The following SLC5A11 variants were observed in gnomAD, a reference collection of about 807,000 sequenced individuals.
SLC5A11 encodes solute carrier family 5 member 11.
Under a neutral mutation model 69.8 loss-of-function variants are expected in SLC5A11, and 48 were observed. The observed-to-expected ratio is 0.69, with a 90% CI of 0.55 to 0.87. SLC5A11 has a LOEUF of 0.87. SLC5A11 is among the 40% of genes least tolerant of loss of function. The probability of loss-of-function intolerance (pLI) is 0.00; values close to 1 mark genes in which losing one functional copy is unlikely to be tolerated. For synonymous variants in SLC5A11, 319 were observed against 342.4 expected (o/e 0.93, Z 0.75); for missense variants, 784 against 866.1 (o/e 0.91, Z 1.19).
At chr16:24,864,424 A>T (rs914868844) in intron 3 of SLC5A11, among the ~76,000 whole-genome samples, 1 of 152,226 alleles carries the variant, frequency 6.6e-6, no homozygotes, top group Non-Finnish European at 1.5e-5. Context: ...AGACTTCATA[A>T]ACTTAATTTA....
chr16:24,851,052 C>A (rs1042031037), intron 1 of SLC5A11, among the ~76,000 whole-genome samples: 4 of 151,114 alleles, frequency 2.6e-5, no homozygotes, highest in Non-Finnish European at 5.9e-5. Context: ...CTCAAGCAAT[C>A]CACCTGCCTC....
chr16:24,856,795 TAATAA>T (rs891140108), intron 1 of SLC5A11, among the ~76,000 whole-genome samples: 13 of 150,932 alleles, frequency 8.6e-5, no homozygotes, highest in South Asian at 8.4e-4. Context: ...TAAATAAAAA[TAATAA>T]AATAAAATAA....
intron 10 of SLC5A11, among the ~76,000 whole-genome samples, chr16:24,901,966 A>G (rs915879857): frequency 1.4e-5 from 2 of 139,546 alleles, no homozygotes; most frequent in Admixed American, 7.2e-5. Flanking sequence ...ACGCACACAC[A>G]CACACACACA....
chr16:24,901,957 C>CACAT (rs55936771), intron 10 of SLC5A11, among the ~76,000 whole-genome samples: 31 of 80,772 alleles, frequency 3.8e-4, no homozygotes, highest in African/African-American at 1.7e-3. Context: ...CACACACACA[C>CACAT]GCACACACAC....
At chr16:24,849,591 A>ACATATAT (rs60683631) in intron 1 of SLC5A11, among the ~76,000 whole-genome samples, 5 of 57,498 alleles carry the variant, frequency 8.7e-5, no homozygotes, top group African/African-American at 2.4e-4. Context: ...AAAAAAAAAA[A>ACATATAT]AAATATATAT....
chr16:24,859,676 A>G (rs1022273786), intron 2 of SLC5A11, among the ~76,000 whole-genome samples: 2 of 152,046 alleles, frequency 1.3e-5, no homozygotes, highest in African/African-American at 2.4e-5. Context: ...TTAGCTTTCT[A>G]TTTTTCACTT....
At chr16:24,905,269 C>CAAAAAAA (rs34703027) in intron 10 of SLC5A11, among the ~76,000 whole-genome samples, 12 of 80,412 alleles carry the variant, frequency 1.5e-4, no homozygotes, top group Non-Finnish European at 1.7e-4. Context: ...ACTAAAAATA[C>CAAAAAAA]AAAAAAAAAA....
intron 1 of SLC5A11, among the ~76,000 whole-genome samples, chr16:24,851,108 G>A (rs1051690308): frequency 5.9e-5 from 9 of 151,428 alleles, no homozygotes; most frequent in Non-Finnish European, 1.2e-4. Flanking sequence ...ACTGCACCCG[G>A]CCTAGTTTAT....
At chr16:24,878,243 C>G (rs913676599) in intron 7 of SLC5A11, among the ~76,000 whole-genome samples, 1 of 152,194 alleles carries the variant, frequency 6.6e-6, no homozygotes, top group Non-Finnish European at 1.5e-5. Context: ...GTTTCTTGAG[C>G]ACCTACTAAC....
chr16:24,887,544 T>G (rs796960003), intron 8 of SLC5A11, among the ~76,000 whole-genome samples: 61 of 152,180 alleles, frequency 4.0e-4, no homozygotes, highest in Middle Eastern at 3.4e-3. Flanking sequence ...TGTGTGCATA[T>G]AAGTTTTTTT....
rs572252647 is a variant in SLC5A11 at position 24,902,468 on chromosome 16, G to A, written c.1007-4189G>A. On this transcript the variant is annotated intron_variant, in intron 10 of 15. Coordinates refer to ENST00000347898, the Ensembl canonical transcript of SLC5A11. ...ACTCTTGTTTATGCAAATTATGCCT[G>A]AAGACCTGGGTTGATATATGGAAGA... 6.6e-5 allele frequency among the ~76,000 whole-genome samples: 10 copies of A among 151,866 alleles called. No homozygotes were observed. The East Asian group carries it at 7.7e-4, about 12-fold the overall frequency.
intron 1 of SLC5A11, among the ~76,000 whole-genome samples, chr16:24,856,597 CAAAAAAAA>C (rs35867622): frequency 0.057 from 5,076 of 88,890 alleles, 112 homozygotes; most frequent in Middle Eastern, 0.082. Flanking sequence ...ACTAAAAATA[CAAAAAAAA>C]AAAAAAAAAA....
chr16:24,856,216 G>A (rs562059522), intron 1 of SLC5A11, among the ~76,000 whole-genome samples: 12 of 152,244 alleles, frequency 7.9e-5, no homozygotes, highest in East Asian at 5.8e-4. Flanking sequence ...TATTGCCCAC[G>A]CAATAAAGAT....
chr16:24,868,417 C>T (rs274110), intron 3 of SLC5A11, among the ~76,000 whole-genome samples: 8 of 148,928 alleles, frequency 5.4e-5, no homozygotes, highest in Admixed American at 6.7e-5. Flanking sequence ...GGTGAAACCC[C>T]GTCTCTACTA....
intron 7 of SLC5A11, among the ~76,000 whole-genome samples, chr16:24,879,610 G>A (rs753467440): frequency 6.6e-6 from 1 of 152,128 alleles, no homozygotes; most frequent in African/African-American, 2.4e-5. Context: ...GGTGGCAGGT[G>A]CCTGTAATCC....
chr16:24,875,762 A>G (rs368204589), intron 6 of SLC5A11, 31 bp downstream of exon 7: 2 of 1,553,600 alleles, frequency 1.3e-6, no homozygotes, highest in African/African-American at 1.4e-5. Context: ...GGCCTCACCC[A>G]TGCAGCATGG....
At chr16:24,876,224 A>C (rs1262518957) in intron 6 of SLC5A11, among the ~76,000 whole-genome samples, 1 of 151,886 alleles carries the variant, frequency 6.6e-6, no homozygotes, top group Non-Finnish European at 1.5e-5. Context: ...AAAAAGAAGA[A>C]ATTGGGAGAA....
intron 10 of SLC5A11, among the ~76,000 whole-genome samples, chr16:24,901,317 G>A (rs1278837121): frequency 6.6e-6 from 1 of 152,050 alleles, no homozygotes; most frequent in East Asian, 1.9e-4. Context: ...TTGAAGCTTA[G>A]AGAAATTATT....
chr16:24,881,064 G>T (rs905897953), intron 7 of SLC5A11, among the ~76,000 whole-genome samples: 1 of 151,930 alleles, frequency 6.6e-6, no homozygotes, highest in Non-Finnish European at 1.5e-5. Flanking sequence ...AAATTAGCCA[G>T]GCGTGGTGGC....
Sources: gnomAD v4.1 joint callset for allele counts (sites outside exome capture counted in the v4.1 genomes callset) on GRCh38, gnomAD v4.1.1 for gene constraint, MANE v1.5 for transcripts, NCBI Gene and HGNC (gene_info 2026-07-23, HGNC 2026-07-21) for gene names.